YEATS2: variants seen among roughly 807,000 people sequenced by gnomAD.
The protein encoded by YEATS2 is YEATS domain-containing protein 2.
In YEATS2, 77 loss-of-function variants were observed where a neutral mutation model predicts 163.2. The ratio of observed to expected loss-of-function variants is 0.47; its 90% CI spans 0.39 to 0.57. YEATS2 has a LOEUF of 0.57. Ranked by LOEUF, YEATS2 falls within the 20% of genes least tolerant of loss-of-function variation. The probability of loss-of-function intolerance (pLI) is 0.00; values close to 1 mark genes in which losing one functional copy is unlikely to be tolerated. For missense variants in YEATS2, 1,549 were observed against 1,729.8 expected, an observed-to-expected ratio of 0.90 and a Z score of 1.85; for synonymous variants, 631 against 645.1, an observed-to-expected ratio of 0.98 and a Z score of 0.33.
At chr3:183,741,786 GA>G (rs926858004) in intron 8 of YEATS2, among the ~76,000 whole-genome samples, 8 of 150,800 alleles carry the variant, frequency 5.3e-5, no homozygotes, top group African/African-American at 1.5e-4. Context: ...ATCTCAAAAA[GA>G]AAAAAAAGAG....
At chr3:183,707,481 G>A (rs1714728623) in intron 1 of YEATS2, among the ~76,000 whole-genome samples, 1 of 152,130 alleles carries the variant, frequency 6.6e-6, no homozygotes, top group Non-Finnish European at 1.5e-5. Flanking sequence ...TTGGCTAATG[G>A]AAAATGGATT....
intron 13 of YEATS2, among the ~76,000 whole-genome samples, chr3:183,759,547 C>T (rs541821911): frequency 2.6e-5 from 4 of 152,260 alleles, no homozygotes; most frequent in South Asian, 4.1e-4. Flanking sequence ...AAACTTTCTG[C>T]TCCTTAACCC....
intron 1 of YEATS2, among the ~76,000 whole-genome samples, chr3:183,707,974 G>T (rs1338574866): frequency 6.6e-6 from 1 of 151,832 alleles, no homozygotes; most frequent in South Asian, 2.1e-4. Context: ...AGCATGCCCG[G>T]CGTCCCCCTC....
At chr3:183,735,773 GCC>G (rs906993298) in intron 7 of YEATS2, among the ~76,000 whole-genome samples, 1 of 151,492 alleles carries the variant, frequency 6.6e-6, no homozygotes, top group South Asian at 2.1e-4. Context: ...TGCTGCCTCC[GCC>G]CCCCGGGTTC....
At chr3:183,713,670 A>G (rs1414089005) in intron 1 of YEATS2, among the ~76,000 whole-genome samples, 1 of 152,264 alleles carries the variant, frequency 6.6e-6, no homozygotes, top group African/African-American at 2.4e-5. Context: ...GATATTTCTG[A>G]AACTGACTCA....
chr3:183,749,011 C>T (rs960982970), intron 9 of YEATS2, among the ~76,000 whole-genome samples: 4 of 151,902 alleles, frequency 2.6e-5, no homozygotes, highest in African/African-American at 9.7e-5. Flanking sequence ...GGCGTGATCT[C>T]CACTCACTGC....
intron 13 of YEATS2, among the ~76,000 whole-genome samples, chr3:183,760,428 T>C (rs1721230257): frequency 6.6e-6 from 1 of 150,482 alleles, no homozygotes; most frequent in South Asian, 2.1e-4. Flanking sequence ...GTTCAAGCGA[T>C]TCTGCGGTCT....
chr3:183,791,604 C>G (rs1290909970), intron 21 of YEATS2, among the ~76,000 whole-genome samples: 1 of 152,110 alleles, frequency 6.6e-6, no homozygotes, highest in African/African-American at 2.4e-5. Flanking sequence ...GTTTGCTTTC[C>G]TTAAAGTACT....
At chr3:183,789,425 A>C (rs975797717) in intron 20 of YEATS2, among the ~76,000 whole-genome samples, 35 of 151,698 alleles carry the variant, frequency 2.3e-4, no homozygotes, top group Admixed American at 1.5e-3. Context: ...ACATCTGAGA[A>C]ACCATTGCCT....
intron 7 of YEATS2, among the ~76,000 whole-genome samples, chr3:183,732,770 A>G (rs1347512836): frequency 6.6e-6 from 1 of 151,512 alleles, no homozygotes; most frequent in South Asian, 2.1e-4. Flanking sequence ...CTTATTAGCC[A>G]CGATGGTCTC....
At position 183,747,721 on chromosome 3, in the gene YEATS2, G is replaced by T. The variant is rs1339750729; in HGVS notation, c.969+5G>T. 1 of 1,611,816 alleles carries T rather than the reference G, an allele frequency of 6.2e-7. No individual in the cohort carries two copies. The highest frequency in any genetic ancestry group is 8.5e-7 in the Non-Finnish European group (1 of 1,178,504). ...CAGACTCTTGGAGCAGAGACGGTAG[G>T]TTTTTTTCCTACAGTATTATCTGGG... On this transcript the variant is annotated splice_donor_5th_base_variant and intron_variant, in intron 9 of 30. Transcript: ENST00000305135.
chr3:183,784,636 A>G (rs770670439), intron 19 of YEATS2, among the ~76,000 whole-genome samples: 6 of 151,808 alleles, frequency 4.0e-5, no homozygotes, highest in African/African-American at 4.8e-5. Flanking sequence ...TTTTGTTGCA[A>G]TTGTTGTTGA....
intron 15 of YEATS2, among the ~76,000 whole-genome samples, chr3:183,764,897 G>A (rs150678187): frequency 6.6e-6 from 1 of 152,300 alleles, no homozygotes; most frequent in East Asian, 1.9e-4. Context: ...CTGGTTATAA[G>A]AATCATCTGC....
chr3:183,708,836 T>C (rs1577031353), intron 1 of YEATS2, among the ~76,000 whole-genome samples: 1 of 151,972 alleles, frequency 6.6e-6, no homozygotes, highest in Non-Finnish European at 1.5e-5. Flanking sequence ...TGTACTCCAG[T>C]CTGGATGGCA....
At chr3:183,757,770 GT>G (rs34399286) in intron 12 of YEATS2, among the ~76,000 whole-genome samples, 156 of 140,398 alleles carry the variant, frequency 1.1e-3, no homozygotes, top group Non-Finnish European at 1.5e-3. Flanking sequence ...TTTCCAAGCA[GT>G]TTTTTTTTTT....
chr3:183,794,866 G>A (rs1306372227), intron 21 of YEATS2, among the ~76,000 whole-genome samples: 2 of 152,082 alleles, frequency 1.3e-5, no homozygotes, highest in African/African-American at 2.4e-5. Flanking sequence ...TCTGGGGGAA[G>A]CCACTGAAGA....
intron 3 of YEATS2, 48 bp downstream of exon 3, chr3:183,717,796 T>C (rs551666007): frequency 1.7e-6 from 2 of 1,170,306 alleles, no homozygotes; most frequent in Non-Finnish European, 2.3e-6. Context: ...TTGAAAAAAA[T>C]GTATACATGA....
chr3:183,714,485 C>T (rs539740350), intron 1 of YEATS2, among the ~76,000 whole-genome samples: 39 of 151,922 alleles, frequency 2.6e-4, no homozygotes, highest in Non-Finnish European at 4.7e-4. Flanking sequence ...CGTGAGCCAC[C>T]GTGCCCGGCC....
In YEATS2 at chr3:183,772,368, G is replaced by A; in HGVS notation, c.2011G>A (p.Gly671Ser). Reference protein sequence around the residue: ...STVKQAVAISGGQILVAKASS... With the variant: ...STVKQAVAISSGQILVAKASS... Reference sequence around the variant, plus strand: ...AGTGAAGCAGGCTGTGGCGATCAGTGGTGGCCAGATCCTGGTAGCCAAGGC... The same window carrying A: ...AGTGAAGCAGGCTGTGGCGATCAGTAGTGGCCAGATCCTGGTAGCCAAGGC... The change falls in exon 16 of 31, where the codon GGT (glycine) becomes AGT (serine). Residue 671 changes from glycine to serine, a missense_variant. By Grantham distance (56) the Gly-to-Ser change is moderately conservative. Coordinates refer to ENST00000305135, the MANE Select transcript of YEATS2 (RefSeq NM_018023.5). The A allele has an allele frequency of 1.2e-6, 2 of 1,614,198 alleles. No homozygotes were observed. The highest frequency in any genetic ancestry group is 2.2e-5 in the East Asian group (1 of 44,884).
Sources: gnomAD v4.1 joint callset for allele counts (sites outside exome capture counted in the v4.1 genomes callset) on GRCh38, gnomAD v4.1.1 for gene constraint, MANE v1.5 for transcripts, NCBI Gene and HGNC (gene_info 2026-07-23, HGNC 2026-07-21) for gene names.